Variants in GAS2L1 observed in about 807,000 individuals in gnomAD.
GAS2L1 encodes growth arrest specific 2 like 1, also known as GAS2-like protein 1.
GAS2L1 carries 26 observed loss-of-function variants against 44.0 expected under a neutral mutation model. The observed-to-expected ratio is 0.59, with a 90% CI of 0.43 to 0.82. The LOEUF (loss-of-function observed/expected upper bound fraction) is 0.82, where lower values mean the gene tolerates loss of function less well. Ranked by LOEUF, GAS2L1 falls within the 40% of genes least tolerant of loss-of-function variation. The probability of loss-of-function intolerance (pLI) is 0.00; values close to 1 mark genes in which losing one functional copy is unlikely to be tolerated. For synonymous variants in GAS2L1, 426 were observed against 415.9 expected (o/e 1.02, Z -0.30); for missense variants, 1,006 against 983.0 (o/e 1.02, Z -0.31).
intron 4 of GAS2L1, 195 bp from the exon 6 acceptor site, chr22:29,311,267 T>G (rs1186300254): frequency 1.7e-6 from 1 of 580,046 alleles, no homozygotes; most frequent in African/African-American, 1.9e-5. Context: ...CCCAGGAAAC[T>G]TCTTCTTCCG....
At position 29,308,550 on chromosome 22, in the gene GAS2L1, C is replaced by T. The variant is rs765627874; in HGVS notation, c.445C>T (p.Arg149Cys). Residue 149 changes from arginine to cysteine, a missense_variant, in exon 1 of 5, where the codon CGC (arginine) becomes TGC (cysteine). Physicochemically the swap from Arg to Cys is radical, Grantham distance 180 (BLOSUM62 -3). Coordinates refer to ENST00000618518, the Ensembl canonical transcript of GAS2L1. ...GCTGGAGGTGGCGCGGCGTGGGGCA[C>T]GCCTGGGCCTGCTGGCCCCACGCCT... is the stretch of plus-strand genomic sequence containing the variant. The T allele has an allele frequency of 8.1e-6, 13 of 1,599,254 alleles. No individual in the cohort carries two copies. Among genetic ancestry groups the T allele is most frequent in the Admixed American group, 1.7e-5 (1 of 58,844 alleles).
rs148534591 is a variant in GAS2L1, at chr22:29,308,141, G to A, written c.36G>A (p.Ala12=). The change falls in exon 1 of 5, where the codon GCG becomes GCA. Residue 12 remains alanine (A), a synonymous_variant. Coordinates refer to ENST00000618518, the Ensembl canonical transcript of GAS2L1. ...CAGTGGCGGGCATCGCGGGCTCGGC[G>A]GCCAAGAGCGTGCGGCCATTTCGCT... is the stretch of plus-strand genomic sequence containing the variant. 2,980 of 1,572,354 alleles carry A rather than the reference G, an allele frequency of 1.9e-3. 55 individuals carry two copies. Among genetic ancestry groups the A allele is most frequent in the East Asian group, 3.2e-3 (139 of 44,100 alleles).
At position 29,312,187 on chromosome 22, in the gene GAS2L1, AAC is replaced by A. The variant is rs761833224; in HGVS notation, c.1737_1738del (p.Gln579HisfsTer25). 6.2e-7 allele frequency: 1 copy of A among 1,613,084 alleles called. No individual in the cohort carries two copies. Among genetic ancestry groups the A allele is most frequent in the African/African-American group, 1.3e-5 (1 of 75,036 alleles). On this transcript the variant is annotated frameshift_variant, in exon 5 of 5. Coordinates refer to ENST00000618518, the Ensembl canonical transcript of GAS2L1. LOFTEE classifies it high-confidence loss of function. ...AGCGTCCTGGGTGGCAAATGTGGCCAACCTGGGGACTCTGGCCGGACGGCCAA... is the reference window on the plus strand; with the variant it reads ...AGCGTCCTGGGTGGCAAATGTGGCCACTGGGGACTCTGGCCGGACGGCCAA...
rs1425610122 is a variant in GAS2L1, at chr22:29,311,016, G to A, written c.1010+18G>A. 1.2e-6 allele frequency: 2 copies of A among 1,604,694 alleles called. No homozygotes were observed. The highest frequency in any genetic ancestry group is 1.7e-5 in the Admixed American group (1 of 59,592). ...CCACCCAGGTGAGATGCAGGAGGAC[G>A]AGGAGTGAGGGGTCCAGAGGGTGGG... On this transcript the variant is annotated intron_variant, in intron 4 of 4. Coordinates refer to ENST00000618518, the Ensembl canonical transcript of GAS2L1.
chr22:29,311,818 C>T, exon 5 of GAS2L1: 1 of 1,589,310 alleles, frequency 6.3e-7, no homozygotes, highest in Admixed American at 1.7e-5. Flanking sequence ...GGGCAGCACT[C>T]ATGGGTGCCA....
Position 29,310,458 on chromosome 22 carries a change from G to A in GAS2L1, c.653G>A (p.Arg218His), listed in dbSNP as rs779351071. The A allele has an allele frequency of 1.8e-5, 29 of 1,606,496 alleles. No homozygotes were observed. The highest frequency in any genetic ancestry group is 3.3e-4 in the Middle Eastern group (2 of 6,072). The stretch of plus-strand genomic sequence containing the variant: ...CCTCAGGTGAGGGAGATTCTGGGCC[G>A]CTGCACCTGCCCTGACCAGTTTCCC... The change falls in exon 2 of 5, where the codon CGC (arginine) becomes CAC (histidine). Residue 218 changes from arginine (R) to histidine (H), a missense_variant. Coordinates refer to ENST00000618518, the Ensembl canonical transcript of GAS2L1.
At position 29,308,633 on chromosome 22, in the gene GAS2L1, C is replaced by T. The variant is rs188482420; in HGVS notation, c.528C>T (p.Asn176=). ...TGCGTGCTGCACCCCCAGCCCCCAA[C>T]GCCCCTGCCGCTGGGGAGGACACCA... Residue 176 remains asparagine (N), a synonymous_variant, in exon 1 of 5, where the codon AAC becomes AAT. Coordinates refer to ENST00000618518, the Ensembl canonical transcript of GAS2L1. 39 of 1,580,314 alleles carry T rather than the reference C, an allele frequency of 2.5e-5. No individual in the cohort carries two copies. In the African/African-American group the frequency reaches 4.0e-4, roughly 16 times the overall value.
chr22:29,311,726 G>C, exon 5 of GAS2L1: 4 of 1,531,876 alleles, frequency 2.6e-6, no homozygotes, highest in Non-Finnish European at 3.5e-6. Flanking sequence ...GAGCCCAGCT[G>C]TCGGTCCCCA....
chr22:29,307,096 C>T (rs936285850), exon 1 of GAS2L1: 2 of 151,942 alleles, frequency 1.3e-5, no homozygotes, highest in Non-Finnish European at 2.9e-5. Context: ...CTGCGGCGGC[C>T]CGGCCCGGCT....
chr22:29,310,486 G>A (rs1372341244), exon 2 of GAS2L1: 2 of 1,612,812 alleles, frequency 1.2e-6, no homozygotes, highest in South Asian at 2.2e-5. Context: ...AGTTTCCCAT[G>A]ATCAAGGTCT....
chr22:29,312,139 C>A, exon 5 of GAS2L1: 3 of 1,612,906 alleles, frequency 1.9e-6, no homozygotes, highest in Non-Finnish European at 2.5e-6. Flanking sequence ...TATTGTTCCT[C>A]CAGTTCCTCC....
At chr22:29,310,890 G>C (rs1455271841) in exon 4 of GAS2L1, 3 of 1,613,344 alleles carry the variant, frequency 1.9e-6, no homozygotes, top group Non-Finnish European at 2.5e-6. Context: ...CCCACCACCA[G>C]TCCCCGCCCT....
At chr22:29,310,292 G>C in intron 1 of GAS2L1, 147 bp from the exon 3 acceptor site, 1 of 539,082 alleles carries the variant, frequency 1.9e-6, no homozygotes, top group Non-Finnish European at 3.3e-6. Context: ...GAAAGGTCAC[G>C]TGTGGAAGCT....
rs745504001 is a variant in GAS2L1, at chr22:29,308,070, T to C, written c.-36T>C. 31 of 1,511,306 alleles carry C rather than the reference T, an allele frequency of 2.1e-5. No homozygotes were observed. Among genetic ancestry groups the C allele is most frequent in the Non-Finnish European group, 2.7e-5 (30 of 1,128,342 alleles). The allele number at this position is 1,511,306 out of a possible 1,614,324, so 93.6% of individuals were successfully genotyped here. On this transcript the variant is annotated 5_prime_UTR_variant, in exon 1 of 5. Coordinates refer to ENST00000618518, the Ensembl canonical transcript of GAS2L1. Reference sequence around the variant, plus strand: ...CTGGGTCCCCACAGCGATCCTGAACTGTGTTCCTGCCCACAGTGACTCGGC... The same window carrying C: ...CTGGGTCCCCACAGCGATCCTGAACCGTGTTCCTGCCCACAGTGACTCGGC...
chr22:29,308,402 G>A (rs2061370601), exon 1 of GAS2L1: 1 of 1,608,342 alleles, frequency 6.2e-7, no homozygotes, highest in Admixed American at 1.7e-5. Flanking sequence ...CCTTCATGGC[G>A]CGCGACAACG....
chr22:29,311,372 G>C lies in GAS2L1; in HGVS notation c.1011-90G>C, dbSNP rs767844111. On this transcript the variant is annotated intron_variant, in intron 4 of 4. Transcript: ENST00000618518. ...ATGCCCCTGACAGCCCCGTCCACCA[G>C]CCACATACCCTGCTGTTCCTCTCCC... The C allele has an allele frequency of 2.2e-4, 139 of 618,108 alleles. 1 individual carries two copies. The highest frequency in any genetic ancestry group is 2.1e-4 in the Non-Finnish European group (73 of 355,880). The allele number at this position is 618,108 out of a possible 1,614,324, so 38.3% of individuals were successfully genotyped here.
chr22:29,312,409 C>G, exon 5 of GAS2L1: 1 of 1,565,590 alleles, frequency 6.4e-7, no homozygotes, highest in Non-Finnish European at 8.7e-7. Context: ...CCTCGGGGCC[C>G]CCGCCGCCCC....
exon 5 of GAS2L1, chr22:29,311,858 G>A (rs747749337): frequency 3.1e-6 from 5 of 1,595,230 alleles, no homozygotes; most frequent in South Asian, 2.2e-5. Flanking sequence ...GCTCGGGCAG[G>A]AGCACCCCCC....
chr22:29,308,172 G>C (rs780439066), exon 1 of GAS2L1: 18 of 1,598,844 alleles, frequency 1.1e-5, no homozygotes, highest in Non-Finnish European at 1.5e-5. Flanking sequence ...TCGCTCCAGT[G>C]AGGCCTACGT....
Sources: allele counts gnomAD v4.1 joint callset, GRCh38; gene constraint gnomAD v4.1.1; transcripts MANE v1.5; gene names NCBI Gene and HGNC (gene_info 2026-07-23, HGNC 2026-07-21).